Variants in UBE2B observed in about 807,000 individuals in gnomAD.
UBE2B encodes the protein ubiquitin-conjugating enzyme E2 B.
Under a neutral mutation model 24.6 loss-of-function variants are expected in UBE2B, and 11 were observed. The ratio of observed to expected loss-of-function variants is 0.45; its 90% CI spans 0.28 to 0.74. The LOEUF (loss-of-function observed/expected upper bound fraction) is 0.74. UBE2B is among the 30% of genes least tolerant of loss of function. UBE2B has a pLI of 0.13. For missense variants in UBE2B, 78 were observed against 185.6 expected (o/e 0.42, Z 3.37); for synonymous variants, 68 against 62.4 (o/e 1.09, Z -0.42).
chr5:134,381,635 A>C (rs983382417), intron 4 of UBE2B, among the ~76,000 whole-genome samples: 4 of 152,114 alleles, frequency 2.6e-5, no homozygotes, highest in Admixed American at 2.0e-4. Flanking sequence ...AGTTGTTTTA[A>C]TAACTCCTGA....
At chr5:134,388,711 T>TAA (rs1364938458) in intron 5 of UBE2B, among the ~76,000 whole-genome samples, 1 of 152,090 alleles carries the variant, frequency 6.6e-6, no homozygotes, top group Non-Finnish European at 1.5e-5. Context: ...CAAGTGTAGA[T>TAA]AAGCATTGAG....
chr5:134,386,190 T>A (rs1758798143), intron 4 of UBE2B, among the ~76,000 whole-genome samples: 1 of 147,364 alleles, frequency 6.8e-6, no homozygotes, highest in Admixed American at 6.8e-5. Context: ...AGCTGGGTCG[T>A]GGTTGTACAT....
rs757189749 is a variant in UBE2B, at chr5:134,374,482, C to A, written c.125+19C>A. The A allele has an allele frequency of 1.3e-6, 2 of 1,550,364 alleles. No individual in the cohort carries two copies. The highest frequency in any genetic ancestry group is 1.7e-6 in the Non-Finnish European group (2 of 1,146,126). ...TATTTGGGTGAGTTGAAAGGTTTAA[C>A]AAATAATAGGTGTGTGCTGAATCTT... is the stretch of plus-strand genomic sequence containing the variant. On this transcript the variant is annotated intron_variant, in intron 2 of 5. Coordinates refer to ENST00000265339, the MANE Select transcript of UBE2B (RefSeq NM_003337.4).
rs1561679787 is a variant in UBE2B at position 134,376,656 on chromosome 5, T to G, written c.126-13T>G. The stretch of plus-strand genomic sequence containing the variant: ...GAGAAACTTCTTTTAATCAGAAATC[T>G]TCTTGTTTTCAGACCAGAAGGGACA... On this transcript the variant is annotated splice_polypyrimidine_tract_variant and intron_variant, in intron 2 of 5. Coordinates refer to ENST00000265339, the MANE Select transcript of UBE2B (RefSeq NM_003337.4). The G allele has an allele frequency of 6.2e-7, 1 of 1,611,706 alleles. No individual in the cohort carries two copies. Among genetic ancestry groups the G allele is most frequent in the Non-Finnish European group, 8.5e-7 (1 of 1,179,156 alleles).
intron 4 of UBE2B, among the ~76,000 whole-genome samples, chr5:134,384,303 A>T (rs375290366): frequency 1.7e-4 from 26 of 151,018 alleles, no homozygotes; most frequent in Admixed American, 1.4e-3. Context: ...AATAGATACT[A>T]CCTTTGGCAC....
intron 4 of UBE2B, among the ~76,000 whole-genome samples, chr5:134,386,951 GT>G (rs1311650623): frequency 6.9e-6 from 1 of 145,604 alleles, no homozygotes; most frequent in Non-Finnish European, 1.5e-5. Context: ...GGTAGAATTA[GT>G]TTTTCACTTT....
At chr5:134,376,117 T>G (rs1363533649) in intron 2 of UBE2B, among the ~76,000 whole-genome samples, 1 of 150,686 alleles carries the variant, frequency 6.6e-6, no homozygotes, top group Non-Finnish European at 1.5e-5. Flanking sequence ...GTGGATCACC[T>G]GAGGTCAGGA....
chr5:134,383,559 G>A (rs35686393), intron 4 of UBE2B, among the ~76,000 whole-genome samples: 6 of 141,960 alleles, frequency 4.2e-5, no homozygotes, highest in South Asian at 2.4e-4. Flanking sequence ...CTCGGCTCAC[G>A]GCAACCTCTG....
In UBE2B at chr5:134,376,658, C is replaced by T; in HGVS notation, c.126-11C>T. On this transcript the variant is annotated splice_polypyrimidine_tract_variant and intron_variant, in intron 2 of 5. Coordinates refer to ENST00000265339, the MANE Select transcript of UBE2B (RefSeq NM_003337.4). Reference sequence around the variant, plus strand: ...GAAACTTCTTTTAATCAGAAATCTTCTTGTTTTCAGACCAGAAGGGACACC... The same window carrying T: ...GAAACTTCTTTTAATCAGAAATCTTTTTGTTTTCAGACCAGAAGGGACACC... The T allele has an allele frequency of 6.2e-7, 1 of 1,611,380 alleles. No individual in the cohort carries two copies. Among genetic ancestry groups the T allele is most frequent in the Non-Finnish European group, 8.5e-7 (1 of 1,179,042 alleles).
At chr5:134,383,473 C>CTA (rs1554114519) in intron 4 of UBE2B, among the ~76,000 whole-genome samples, 6,883 of 80,150 alleles carry the variant, frequency 0.086, 550 homozygotes, top group Admixed American at 0.14. Flanking sequence ...CCATACCCAG[C>CTA]TTTTTTTTTT....
intron 3 of UBE2B, among the ~76,000 whole-genome samples, chr5:134,377,993 G>A (rs1198480363): frequency 6.6e-6 from 1 of 152,064 alleles, no homozygotes; most frequent in Non-Finnish European, 1.5e-5. Context: ...TTGAGCCCAG[G>A]AGTTTGAGAC....
intron 4 of UBE2B, among the ~76,000 whole-genome samples, chr5:134,383,473 C>CTTTTTTTTTTT (rs747399191): frequency 7.5e-5 from 6 of 80,042 alleles, no homozygotes; most frequent in African/African-American, 2.7e-4. Flanking sequence ...CCATACCCAG[C>CTTTTTTTTTTT]TTTTTTTTTT....
intron 4 of UBE2B, among the ~76,000 whole-genome samples, chr5:134,385,066 A>G (rs1356006092): frequency 1.3e-5 from 2 of 152,198 alleles, no homozygotes; most frequent in East Asian, 3.8e-4. Context: ...ATTCCACTGT[A>G]TGGATATTCT....
intron 2 of UBE2B, among the ~76,000 whole-genome samples, chr5:134,375,051 TA>T (rs1327908324): frequency 4.3e-4 from 65 of 152,314 alleles, no homozygotes; most frequent in African/African-American, 1.6e-3. Context: ...TTTAAAATAC[TA>T]TTCAAAACTA....
chr5:134,374,126 CA>C (rs1758554028), intron 1 of UBE2B, among the ~76,000 whole-genome samples: 1 of 152,244 alleles, frequency 6.6e-6, no homozygotes, highest in Non-Finnish European at 1.5e-5. Flanking sequence ...TCCTATGCAT[CA>C]ATTCTTGAAG....
intron 1 of UBE2B, among the ~76,000 whole-genome samples, chr5:134,373,286 C>T (rs1400357701): frequency 1.3e-5 from 2 of 150,154 alleles, no homozygotes; most frequent in African/African-American, 4.9e-5. Context: ...TGTTTTCAGT[C>T]ATTTTGTGTT....
Position 134,371,604 on chromosome 5 carries a change from C to T in UBE2B, c.9C>T (p.Thr3=), listed in dbSNP as rs748632151. 8 of 1,612,808 alleles carry T rather than the reference C, an allele frequency of 5.0e-6. No homozygotes were observed. Among genetic ancestry groups the T allele is most frequent in the African/African-American group, 2.7e-5 (2 of 74,822 alleles). Residue 3 remains threonine (T), a synonymous_variant, in exon 1 of 6, where the codon ACC becomes ACT. Coordinates refer to ENST00000265339, the MANE Select transcript of UBE2B (RefSeq NM_003337.4). ...CGGGGCAGCTGCGGAGCATGTCGAC[C>T]CCGGCCCGGAGGAGGCTCATGCGGG... MS[T]PARRRLMRDF...
In UBE2B at chr5:134,390,124, T is replaced by C; in HGVS notation, c.331-101T>C. ...ATGACATGTTAATCTCTGAAGTAAT[T>C]TGTTGTTTTGTATAACTTTTCTGTA... On this transcript the variant is annotated intron_variant, in intron 5 of 5. Coordinates refer to ENST00000265339, the MANE Select transcript of UBE2B (RefSeq NM_003337.4). This position sits in a 1 kb window ranked among gnomAD's most constrained non-coding sequence, Gnocchi z 4.6. 3.6e-6 allele frequency: 5 copies of C among 1,407,160 alleles called. No homozygotes were observed. Among genetic ancestry groups the C allele is most frequent in the Non-Finnish European group, 4.9e-6 (5 of 1,010,896 alleles). 87.2% of individuals were successfully genotyped at this position (1,407,160 alleles called of 1,614,324 possible).
At chr5:134,389,529 G>A (rs1336213135) in intron 5 of UBE2B, among the ~76,000 whole-genome samples, 1 of 151,182 alleles carries the variant, frequency 6.6e-6, no homozygotes, top group East Asian at 1.9e-4. Flanking sequence ...CAAATTATAG[G>A]TATTTTTTTC....
Sources: gnomAD v4.1 joint callset for allele counts (sites outside exome capture counted in the v4.1 genomes callset) on GRCh38, gnomAD v4.1.1 for gene constraint, Gnocchi (gnomAD v3.1) non-coding constraint, MANE v1.5 for transcripts, NCBI Gene and HGNC (gene_info 2026-07-23, HGNC 2026-07-21) for gene names.